The following MED15 variants were observed in gnomAD, a reference collection of about 807,000 sequenced individuals.
The protein encoded by MED15 is mediator of RNA polymerase II transcription subunit 15.
In MED15, 41 loss-of-function variants were observed where a neutral mutation model predicts 118.7. The ratio of observed to expected loss-of-function variants is 0.35; its 90% CI spans 0.27 to 0.45. The LOEUF (loss-of-function observed/expected upper bound fraction) is 0.45. Ranked by LOEUF, MED15 falls within the 20% of genes least tolerant of loss-of-function variation. The pLI is 1.00. For missense variants in MED15, 740 were observed against 1,025.5 expected (o/e 0.72, Z 3.80); for synonymous variants, 436 against 413.9 (o/e 1.05, Z -0.65).
intron 5 of MED15, among the ~76,000 whole-genome samples, chr22:20,559,362 G>T (rs2056140282): frequency 6.6e-6 from 1 of 152,146 alleles, no homozygotes; most frequent in African/African-American, 2.4e-5. Flanking sequence ...TACATTTGAA[G>T]AAATTATCTA....
At chr22:20,555,256 C>T (rs1427277223) in intron 5 of MED15, 108 bp downstream of exon 5, 13 of 1,204,530 alleles carry the variant, frequency 1.1e-5, no homozygotes, top group African/African-American at 6.2e-5. Context: ...AGCTCCAAAT[C>T]GCTCTGGTTT....
chr22:20,544,915 G>C (rs931684927), intron 2 of MED15, among the ~76,000 whole-genome samples: 2 of 152,152 alleles, frequency 1.3e-5, no homozygotes, highest in Non-Finnish European at 1.5e-5. Flanking sequence ...TTCTCTGTGT[G>C]TGTGAACTTT....
chr22:20,583,964 G>T, intron 13 of MED15: 1 of 265,088 alleles, frequency 3.8e-6, no homozygotes, highest in Non-Finnish European at 7.3e-6. Flanking sequence ...CCCAACCCCT[G>T]TCTAGAAGGG....
intron 2 of MED15, among the ~76,000 whole-genome samples, chr22:20,542,440 A>G (rs542128587): frequency 1.3e-5 from 2 of 152,354 alleles, no homozygotes; most frequent in East Asian, 1.9e-4. Context: ...GAAGCTAAAA[A>G]CATTACATAA....
intron 8 of MED15, among the ~76,000 whole-genome samples, chr22:20,569,312 T>G (rs544281515): frequency 1.3e-5 from 2 of 152,272 alleles, no homozygotes; most frequent in South Asian, 4.1e-4. Context: ...AGACGTACAG[T>G]CTGGGGCTTC....
intron 3 of MED15, 156 bp from the exon 4 acceptor site, chr22:20,552,989 C>G (rs1396477990): frequency 1.5e-6 from 1 of 668,990 alleles, no homozygotes; most frequent in Admixed American, 3.0e-5. Flanking sequence ...TCAGCGCTGC[C>G]AAGAGTAGAA....
intron 14 of MED15, 128 bp from the exon 15 acceptor site, chr22:20,584,727 A>G: frequency 8.4e-7 from 1 of 1,188,740 alleles, no homozygotes; most frequent in Non-Finnish European, 1.2e-6. Flanking sequence ...TTGTCTGCAC[A>G]AGGGTGGAGG....
At chr22:20,568,186 A>C (rs2056511562) in intron 7 of MED15, among the ~76,000 whole-genome samples, 2 of 152,136 alleles carry the variant, frequency 1.3e-5, no homozygotes, top group African/African-American at 4.8e-5. Flanking sequence ...AATCAGGCTG[A>C]GTGAAGCTCT....
chr22:20,564,171 T>C (rs1366159326), intron 5 of MED15, among the ~76,000 whole-genome samples: 1 of 152,206 alleles, frequency 6.6e-6, no homozygotes, highest in Non-Finnish European at 1.5e-5. Flanking sequence ...AGATTACTGA[T>C]TGCCAGAGTC....
At chr22:20,571,886 G>T (rs2056672620) in intron 8 of MED15, among the ~76,000 whole-genome samples, 1 of 152,182 alleles carries the variant, frequency 6.6e-6, no homozygotes, top group African/African-American at 2.4e-5. Context: ...GAGAAGGTCT[G>T]GTGTCCTTTC....
chr22:20,541,341 C>A (rs1223079669), intron 2 of MED15, among the ~76,000 whole-genome samples: 1 of 152,152 alleles, frequency 6.6e-6, no homozygotes, highest in South Asian at 2.1e-4. Context: ...AAATGGCCAA[C>A]AACCATGTGA....
chr22:20,510,088 TAAAAC>T (rs995228862), intron 1 of MED15, among the ~76,000 whole-genome samples: 17 of 152,286 alleles, frequency 1.1e-4, no homozygotes, highest in Admixed American at 8.5e-4. Flanking sequence ...TTTAGCATCT[TAAAAC>T]AACACACCTT....
At position 20,586,901 on chromosome 22, in the gene MED15, T is replaced by C. The variant is rs1016310017; in HGVS notation, c.*197T>C. On this transcript the variant is annotated 3_prime_UTR_variant, in exon 18 of 18. Coordinates refer to ENST00000263205, the MANE Select transcript of MED15 (RefSeq NM_001003891.3). ...GGATAGGCGCAGTGGAGCGGGTTGC[T>C]TGGGGGGCGTTGGCCGACTTCTTAG... 2.1e-5 allele frequency: 17 copies of C among 815,206 alleles called. No individual in the cohort carries two copies. The African/African-American group carries it at 2.6e-4, about 12-fold the overall frequency. 50.5% of individuals were successfully genotyped at this position (815,206 alleles called of 1,614,324 possible).
intron 1 of MED15, among the ~76,000 whole-genome samples, chr22:20,508,804 G>A (rs1480233484): frequency 1.3e-5 from 2 of 152,176 alleles, no homozygotes; most frequent in African/African-American, 2.4e-5. Flanking sequence ...CAGGGGATGC[G>A]ATGGCCTGGC....
At chr22:20,581,161 G>T (rs2056969067) in intron 9 of MED15, among the ~76,000 whole-genome samples, 1 of 152,228 alleles carries the variant, frequency 6.6e-6, no homozygotes, top group Non-Finnish European at 1.5e-5. Flanking sequence ...TTCAGGAACG[G>T]CCTGCACCCA....
intron 1 of MED15, among the ~76,000 whole-genome samples, chr22:20,532,422 G>C (rs987587168): frequency 3.3e-5 from 5 of 152,168 alleles, no homozygotes; most frequent in Admixed American, 6.5e-5. Context: ...GACATCCTCA[G>C]ACCCCTTAGT....
intron 2 of MED15, among the ~76,000 whole-genome samples, chr22:20,538,990 C>T (rs1347721017): frequency 6.6e-6 from 1 of 152,112 alleles, no homozygotes; most frequent in Non-Finnish European, 1.5e-5. Context: ...CATGAGCCAC[C>T]GCACCCAGCC....
chr22:20,537,006 C>T (rs570634692), intron 1 of MED15, 111 bp from the exon 2 acceptor site: 11 of 925,912 alleles, frequency 1.2e-5, no homozygotes, highest in Admixed American at 1.0e-4. Flanking sequence ...GGTGTGCTGG[C>T]GATAGCACCT....
intron 9 of MED15, among the ~76,000 whole-genome samples, chr22:20,577,386 C>T (rs2056852755): frequency 6.6e-6 from 1 of 152,028 alleles, no homozygotes; most frequent in Admixed American, 6.6e-5. Flanking sequence ...ACCTAGACTT[C>T]TCACAGGCAG....
Sources: allele counts gnomAD v4.1 joint callset (sites outside exome capture counted in the v4.1 genomes callset), GRCh38; gene constraint gnomAD v4.1.1; transcripts MANE v1.5; gene names NCBI Gene and HGNC (gene_info 2026-07-23, HGNC 2026-07-21).